CENPM: variants seen among roughly 807,000 people sequenced by gnomAD.
CENPM encodes the protein interphase centromere complex protein 39.
A neutral mutation model predicts 19.6 loss-of-function variants in CENPM; 14 were observed. That is an observed-to-expected ratio of 0.71 (90% confidence interval 0.47 to 1.11). CENPM has a LOEUF of 1.11. CENPM is among the 50% of genes most tolerant of loss of function. The probability of loss-of-function intolerance (pLI) is 0.00; values close to 1 mark genes in which losing one functional copy is unlikely to be tolerated. For missense variants in CENPM, 239 were observed against 228.4 expected, an observed-to-expected ratio of 1.05 and a Z score of -0.30; for synonymous variants, 114 against 101.5, an observed-to-expected ratio of 1.12 and a Z score of -0.74.
chr22:41,939,753 C>T lies in CENPM; in HGVS notation c.403-557G>A, dbSNP rs539619288. Among the ~76,000 whole-genome samples the T allele has an allele frequency of 3.2e-3, 103 of 32,458 alleles. 1 individual carries two copies. The highest frequency in any genetic ancestry group is 0.015 in the African/African-American group (91 of 5,926). 21.3% of individuals were successfully genotyped at this position (32,458 alleles called of 152,430 possible). A position where few individuals can be genotyped will look rare whatever the true frequency, so the allele number is the denominator to read the frequency against. On this transcript the variant is annotated intron_variant, in intron 5 of 5. Transcript: ENST00000215980. ...TCTAGACACGTCCGCTGGAAGAACA[C>T]GATGCTGCCCAGTGTCTGTCTCAAA...
In CENPM at chr22:41,944,184, C is replaced by G. The variant is rs2077771696; in HGVS notation, c.311-483G>C. Reference sequence around the variant, plus strand: ...GACGGCCGGGTGCGGTGGCTCAGGCCTGTAATCCCAGCACTATCTGAGGCA... The same window carrying G: ...GACGGCCGGGTGCGGTGGCTCAGGCGTGTAATCCCAGCACTATCTGAGGCA... On this transcript the variant is annotated intron_variant, in intron 4 of 5. Coordinates refer to ENST00000215980, the MANE Select transcript of CENPM (RefSeq NM_024053.5). The G allele has an allele frequency of 4.1e-6, 4 of 977,788 alleles. No individual in the cohort carries two copies. The South Asian group carries it at 1.9e-4, about 46-fold the overall frequency. 60.6% of individuals were successfully genotyped at this position (977,788 alleles called of 1,614,324 possible). A position where few individuals can be genotyped will look rare whatever the true frequency, so the allele number is the denominator to read the frequency against.
the CENPM span, among the ~76,000 whole-genome samples, chr22:41,932,949 G>A: frequency 6.6e-6 from 1 of 152,232 alleles, no homozygotes; most frequent in Non-Finnish European, 1.5e-5. This position sits in a 1 kb window ranked among gnomAD's most constrained non-coding sequence, Gnocchi z 4.3. Context: ...GGGAAGCAGA[G>A]AGGAAACCCA....
intron 5 of CENPM, among the ~76,000 whole-genome samples, chr22:41,941,017 C>G (rs2077734084): frequency 6.6e-6 from 1 of 152,188 alleles, no homozygotes; most frequent in Non-Finnish European, 1.5e-5. Flanking sequence ...CAGAGCTCAG[C>G]AAATCCTTCT....
chr22:41,941,338 G>C (rs1425334220), intron 5 of CENPM, among the ~76,000 whole-genome samples: 1 of 152,242 alleles, frequency 6.6e-6, no homozygotes, highest in African/African-American at 2.4e-5. Context: ...CCATCTGAGG[G>C]ATGCAGGCCT....
At chr22:41,943,870 A>G (rs945442711) in intron 4 of CENPM, among the ~76,000 whole-genome samples, 169 bp from the exon 5 acceptor site, 19 of 152,222 alleles carry the variant, frequency 1.2e-4, no homozygotes, top group African/African-American at 4.6e-4. Flanking sequence ...AGAATATCAA[A>G]TTAGACAATG....
At chr22:41,930,482 C>T in the CENPM span, among the ~76,000 whole-genome samples, 1 of 152,032 alleles carries the variant, frequency 6.6e-6, no homozygotes, top group African/African-American at 2.4e-5. Flanking sequence ...ATCCACCCAC[C>T]TTGGCCAACA....
intron 1 of CENPM, chr22:41,946,729 C>G (rs1044731509): frequency 6.7e-6 from 4 of 595,504 alleles, no homozygotes; most frequent in Non-Finnish European, 9.0e-6. Flanking sequence ...CTCCCACCGC[C>G]GGCCTCTCCA....
At chr22:41,938,038 GT>G (rs1486840386), downstream of CENPM, among the ~76,000 whole-genome samples, 1 of 151,750 alleles carries the variant, frequency 6.6e-6, no homozygotes, top group Admixed American at 6.6e-5. Flanking sequence ...TAGAGGCAGA[GT>G]TTCACTGTTA....
chr22:41,931,419 A>G, the CENPM span, among the ~76,000 whole-genome samples: 1 of 151,838 alleles, frequency 6.6e-6, no homozygotes, highest in Non-Finnish European at 1.5e-5. Flanking sequence ...GCCAGAGGTT[A>G]CAGTGAGCTG....
chr22:41,946,130 C>T, intron 2 of CENPM, 125 bp from the exon 3 acceptor site: 1 of 840,270 alleles, frequency 1.2e-6, no homozygotes, highest in South Asian at 1.5e-5. Context: ...CCACCCGAGG[C>T]TCTTGTGGCC....
intron 1 of CENPM, 136 bp from the exon 2 acceptor site, chr22:41,946,632 AC>A (rs1169012785): frequency 9.7e-6 from 7 of 718,848 alleles, no homozygotes; most frequent in Non-Finnish European, 1.6e-5. Context: ...CGAGAAGTGG[AC>A]CCCGCGAAGC....
chr22:41,927,774 T>A, the CENPM span, among the ~76,000 whole-genome samples: 2 of 152,190 alleles, frequency 1.3e-5, no homozygotes, highest in East Asian at 3.9e-4. Context: ...GCTGGGATTA[T>A]AGGTGTGAAG....
At chr22:41,945,447 ATTTTTTTT>A (rs377012454) in intron 3 of CENPM, 143 bp from the exon 4 acceptor site, 22 of 1,099,906 alleles carry the variant, frequency 2.0e-5, no homozygotes, top group Non-Finnish European at 1.9e-5. Flanking sequence ...TTGTCCTTTA[ATTTTTTTT>A]TTTTTTTTTT....
the CENPM span, chr22:41,928,120 G>A: frequency 5.2e-6 from 2 of 382,966 alleles, no homozygotes; most frequent in Non-Finnish European, 1.0e-5. This position sits in a 1 kb window ranked among gnomAD's most constrained non-coding sequence, Gnocchi z 4.0. Context: ...TGTGGCTGGG[G>A]GACACGAGGG....
intron 2 of CENPM, 69 bp from the exon 3 acceptor site, chr22:41,946,074 C>T: frequency 7.4e-7 from 1 of 1,356,818 alleles, no homozygotes; most frequent in African/African-American, 1.4e-5. Context: ...TAAATGCTGC[C>T]CTTCATGTGG....
rs764776097 is a variant in CENPM, at chr22:41,939,205, A to G, written c.403-9T>C. The G allele has an allele frequency of 6.2e-7, 1 of 1,606,584 alleles. No homozygotes were observed. Among genetic ancestry groups the G allele is most frequent in the Non-Finnish European group, 8.5e-7 (1 of 1,176,986 alleles). On this transcript the variant is annotated splice_polypyrimidine_tract_variant and intron_variant, in intron 5 of 5. Transcript: ENST00000215980. ...GCCCTAAAGCCTTCCACCTGCGGGG[A>G]GAGCAGAGAACAGCAGTGAGATAGA...
the CENPM span, among the ~76,000 whole-genome samples, chr22:41,932,120 G>A: frequency 6.6e-6 from 1 of 151,970 alleles, no homozygotes; most frequent in South Asian, 2.1e-4. This position sits in a 1 kb window ranked among gnomAD's most constrained non-coding sequence, Gnocchi z 4.3. Flanking sequence ...GGTCAGCAGT[G>A]GAGATGGCTC....
chr22:41,942,072 G>C (rs756148026), intron 5 of CENPM, among the ~76,000 whole-genome samples: 1 of 152,168 alleles, frequency 6.6e-6, no homozygotes, highest in Non-Finnish European at 1.5e-5. Flanking sequence ...GTGCTGACTC[G>C]GTTCTCCCTG....
chr22:41,927,303 G>A, the CENPM span, among the ~76,000 whole-genome samples: 1 of 152,252 alleles, frequency 6.6e-6, no homozygotes, highest in East Asian at 1.9e-4. Flanking sequence ...GTGCTGGGAG[G>A]TGTCTGGGGG....
Sources: gnomAD v4.1 joint callset for allele counts (sites outside exome capture counted in the v4.1 genomes callset) on GRCh38, gnomAD v4.1.1 for gene constraint, Gnocchi (gnomAD v3.1) non-coding constraint, MANE v1.5 for transcripts, NCBI Gene and HGNC (gene_info 2026-07-23, HGNC 2026-07-21) for gene names.